The following PDSS1 variants were observed in gnomAD, a reference collection of about 807,000 sequenced individuals.
PDSS1 encodes all trans-polyprenyl-diphosphate synthase PDSS1.
PDSS1 carries 43 observed loss-of-function variants against 57.5 expected under a neutral mutation model. That is an observed-to-expected ratio of 0.75 (90% CI 0.59 to 0.96). PDSS1 has a LOEUF of 0.96. Among genes scored for constraint, PDSS1 ranks in the 50% least tolerant of loss-of-function variants. The pLI, the probability that PDSS1 is intolerant of heterozygous loss-of-function variation, is 0.00. For synonymous variants in PDSS1, 175 were observed against 191.3 expected, an observed-to-expected ratio of 0.91 and a Z score of 0.70; for missense variants, 438 against 527.8, an observed-to-expected ratio of 0.83 and a Z score of 1.67.
At chr10:26,737,702 G>C (rs985516810) in intron 10 of PDSS1, among the ~76,000 whole-genome samples, 1 of 123,990 alleles carries the variant, frequency 8.1e-6, no homozygotes, top group Non-Finnish European at 1.6e-5. Context: ...CAGCCTGGGT[G>C]ACAGAGTGAG....
intron 8 of PDSS1, among the ~76,000 whole-genome samples, chr10:26,728,135 T>A (rs776342409): frequency 9.9e-5 from 15 of 151,990 alleles, no homozygotes; most frequent in Non-Finnish European, 1.0e-4. Flanking sequence ...GTGGGCAGAT[T>A]ACCTGAGGTC....
chr10:26,720,349 G>A lies in PDSS1; in HGVS notation c.599G>A (p.Gly200Asp). Reference sequence around the variant, plus strand: ...AAACACACAGTTAATAAGATCTGGGGTGAAAAGAAGGTATGGTTTTTTGGT... The same window carrying A: ...AAACACACAGTTAATAAGATCTGGGATGAAAAGAAGGTATGGTTTTTTGGT... ...RGKHTVNKIW[G>D]EKKAVLAGDL... The change falls in exon 6 of 12, where the codon GGT (glycine) becomes GAT (aspartate). Residue 200 changes from glycine (G) to aspartate (D), a missense_variant. Transcript: ENST00000376215. 6.2e-7 allele frequency: 1 copy of A among 1,610,072 alleles called. No homozygotes were observed. Among genetic ancestry groups the A allele is most frequent in the African/African-American group, 1.3e-5 (1 of 74,982 alleles).
At chr10:26,742,244 TAAA>T (rs1836644854) in intron 10 of PDSS1, among the ~76,000 whole-genome samples, 1 of 152,248 alleles carries the variant, frequency 6.6e-6, no homozygotes, top group African/African-American at 2.4e-5. Context: ...TGGACTAGGA[TAAA>T]ACATCAGAAT....
chr10:26,709,885 G>A (rs1339212658), intron 5 of PDSS1, 117 bp downstream of exon 5: 4 of 1,096,594 alleles, frequency 3.6e-6, no homozygotes, highest in South Asian at 2.6e-5. Flanking sequence ...GGGCATGGTG[G>A]CTCATGCCTA....
Position 26,711,209 on chromosome 10 carries a change from A to T in PDSS1, c.467+1441A>T, listed in dbSNP as rs1393748213. ...CACAATTACATCATATAATCTATTG[A>T]TGGAAATTCCAGTAGACCATGATGT... is the stretch of plus-strand genomic sequence containing the variant. On this transcript the variant is annotated intron_variant, in intron 5 of 11. Coordinates refer to ENST00000376215, the MANE Select transcript of PDSS1 (RefSeq NM_014317.5). Among the ~76,000 whole-genome samples the T allele has an allele frequency of 1.7e-4, 17 of 100,490 alleles. 7 individuals are homozygous for T. Among genetic ancestry groups the T allele is most frequent in the African/African-American group, 5.5e-4 (17 of 31,092 alleles). 65.9% of individuals were successfully genotyped at this position (100,490 alleles called of 152,430 possible).
chr10:26,721,541 A>G (rs1588688365), intron 6 of PDSS1, among the ~76,000 whole-genome samples: 1 of 152,092 alleles, frequency 6.6e-6, no homozygotes. Flanking sequence ...AATTTCATTT[A>G]TATGCCTTTT....
rs375014698 is a variant in PDSS1, at chr10:26,702,144, T to C, written c.130-18T>C. On this transcript the variant is annotated intron_variant, in intron 1 of 11. Coordinates refer to ENST00000376215, the MANE Select transcript of PDSS1 (RefSeq NM_014317.5). ...CATTGTATCTTGGATGTAACGTAAC[T>C]TGTTTTTGATTTTACAGGTTCATAG... The C allele has an allele frequency of 1.1e-4, 49 of 456,882 alleles. No homozygotes were observed. Among genetic ancestry groups the C allele is most frequent in the African/African-American group, 9.4e-4 (47 of 50,106 alleles). 28.3% of individuals were successfully genotyped at this position (456,882 alleles called of 1,614,324 possible).
chr10:26,724,691 C>T (rs534839614), intron 8 of PDSS1, among the ~76,000 whole-genome samples: 2 of 152,282 alleles, frequency 1.3e-5, no homozygotes, highest in South Asian at 4.1e-4. Flanking sequence ...AATTCTCCTG[C>T]CTCAGCTTCC....
At chr10:26,734,714 T>A in intron 8 of PDSS1, 1 of 456,218 alleles carries the variant, frequency 2.2e-6, no homozygotes. Flanking sequence ...ATAACTGCAT[T>A]CAGAAACAGG....
chr10:26,728,836 T>C (rs2132282599), intron 8 of PDSS1, among the ~76,000 whole-genome samples: 1 of 138,976 alleles, frequency 7.2e-6, no homozygotes, highest in Admixed American at 8.3e-5. Context: ...TGGAGTGCAG[T>C]GGTGCAATCT....
At position 26,711,575 on chromosome 10, in the gene PDSS1, A is replaced by C. The variant is rs975923098; in HGVS notation, c.467+1807A>C. Among the ~76,000 whole-genome samples, 7 of 99,424 alleles carry C rather than the reference A, an allele frequency of 7.0e-5. 3 individuals are homozygous for C. In the East Asian group the frequency reaches 1.7e-3, roughly 25 times the overall value. The allele number at this position is 99,424 out of a possible 152,430, so 65.2% of individuals were successfully genotyped here. A position where few individuals can be genotyped will look rare whatever the true frequency, so the allele number is the denominator to read the frequency against. ...TCACTTTACCGGAAGGCAGAGCAGCAAAAACGCTCCCTCTGAGCCAAACTT... is the reference window on the plus strand; with the variant it reads ...TCACTTTACCGGAAGGCAGAGCAGCCAAAACGCTCCCTCTGAGCCAAACTT... On this transcript the variant is annotated intron_variant, in intron 5 of 11. Transcript: ENST00000376215.
intron 8 of PDSS1, among the ~76,000 whole-genome samples, chr10:26,725,266 G>A (rs1835913355): frequency 6.6e-6 from 1 of 152,134 alleles, no homozygotes; most frequent in African/African-American, 2.4e-5. Context: ...ATAATTAACA[G>A]GTAAAGAGAG....
At chr10:26,733,047 C>T (rs780198230) in intron 8 of PDSS1, among the ~76,000 whole-genome samples, 45 of 152,098 alleles carry the variant, frequency 3.0e-4, no homozygotes, top group Non-Finnish European at 5.9e-4. Context: ...CAGATCGTGC[C>T]GCTGCACTCT....
At chr10:26,709,852 T>G in intron 5 of PDSS1, 84 bp downstream of exon 5, 1 of 1,446,940 alleles carries the variant, frequency 6.9e-7, no homozygotes, top group Non-Finnish European at 9.7e-7. Flanking sequence ...CATTTCCCAT[T>G]TAAGAATTAG....
At chr10:26,717,154 A>G (rs1835610465) in intron 5 of PDSS1, among the ~76,000 whole-genome samples, 1 of 152,264 alleles carries the variant, frequency 6.6e-6, no homozygotes. Context: ...GCTGTGTTAC[A>G]GTACCAAATA....
intron 8 of PDSS1, among the ~76,000 whole-genome samples, chr10:26,725,727 G>A (rs1157338178): frequency 6.6e-6 from 1 of 152,106 alleles, no homozygotes; most frequent in African/African-American, 2.4e-5. Context: ...ATCCTTAAGA[G>A]GATGTGTTAA....
intron 10 of PDSS1, among the ~76,000 whole-genome samples, chr10:26,739,200 C>T (rs1836503482): frequency 2.0e-5 from 3 of 152,138 alleles, no homozygotes; most frequent in African/African-American, 2.4e-5. Context: ...TACCCAGTTT[C>T]GTTTGGGTAG....
chr10:26,720,128 A>T, intron 5 of PDSS1, 90 bp from the exon 6 acceptor site: 1 of 1,580,544 alleles, frequency 6.3e-7, no homozygotes, highest in Non-Finnish European at 8.6e-7. Context: ...AACATTCTTT[A>T]TCCTAGATCC....
At chr10:26,718,047 G>GT (rs199635854) in intron 5 of PDSS1, 14,394 of 138,002 alleles carry the variant, frequency 0.1, 837 homozygotes, top group East Asian at 0.26. Context: ...TGGGGTTTTT[G>GT]GTTTTTTTGT....
Sources: allele counts gnomAD v4.1 joint callset (sites outside exome capture counted in the v4.1 genomes callset), GRCh38; gene constraint gnomAD v4.1.1; transcripts MANE v1.5; gene names NCBI Gene and HGNC (gene_info 2026-07-23, HGNC 2026-07-21).